The following SCAPER variants were observed in gnomAD, a reference collection of about 807,000 sequenced individuals.
SCAPER encodes the protein S-phase cyclin A associated protein in the ER.
A neutral mutation model predicts 182.2 loss-of-function variants in SCAPER; 98 were observed. That is an observed-to-expected ratio of 0.54 (90% CI 0.46 to 0.64). SCAPER has a LOEUF of 0.64. SCAPER is among the 30% of genes least tolerant of loss of function. The probability of loss-of-function intolerance (pLI) is 0.00; values close to 1 mark genes in which losing one functional copy is unlikely to be tolerated. For synonymous variants in SCAPER, 605 were observed against 564.6 expected (o/e 1.07, Z -1.01); for missense variants, 1,432 against 1,690.0 (o/e 0.85, Z 2.68).
chr15:76,857,939 G>T, intron 3 of SCAPER, 60 bp from the exon 4 acceptor site: 1 of 1,154,658 alleles, frequency 8.7e-7, no homozygotes, highest in South Asian at 1.4e-5. Flanking sequence ...GTATAAAATT[G>T]AACTACAGGT....
At position 76,430,654 on chromosome 15, in the gene SCAPER, C is replaced by T. The variant is rs560844863; in HGVS notation, c.3311+3424G>A. Among the ~76,000 whole-genome samples, 11 of 152,356 alleles carry T rather than the reference C, an allele frequency of 7.2e-5. No homozygotes were observed. The South Asian group carries it at 2.1e-3, about 29-fold the overall frequency. ...GGGTATATTTGCCCAATGCCTGTAC[C>T]TCCATTGCATCTAAGAAGTAACTAA... On this transcript the variant is annotated intron_variant, in intron 26 of 31. Transcript: ENST00000563290.
chr15:76,688,590 T>A (rs1003509067), intron 20 of SCAPER, among the ~76,000 whole-genome samples: 1 of 152,218 alleles, frequency 6.6e-6, no homozygotes, highest in African/African-American at 2.4e-5. Context: ...CTTTAATTCA[T>A]CTTGAGTTAA....
intron 21 of SCAPER, among the ~76,000 whole-genome samples, chr15:76,657,638 T>C (rs1290830850): frequency 1.3e-5 from 2 of 149,408 alleles, no homozygotes; most frequent in African/African-American, 2.5e-5. Context: ...CAGGCCATTA[T>C]TCATGATGAC....
intron 29 of SCAPER, among the ~76,000 whole-genome samples, chr15:76,363,473 AG>A (rs1266458727): frequency 6.6e-6 from 1 of 152,192 alleles, no homozygotes; most frequent in Admixed American, 6.5e-5. Flanking sequence ...GAGGAGGGGT[AG>A]GGTAGGGCAG....
At chr15:76,394,874 A>T (rs2043944640) in intron 27 of SCAPER, among the ~76,000 whole-genome samples, 2 of 152,202 alleles carry the variant, frequency 1.3e-5, no homozygotes, top group Admixed American at 1.3e-4. Flanking sequence ...TAGTTATTTT[A>T]AAATGTACAA....
At chr15:76,594,837 TG>T in intron 22 of SCAPER, among the ~76,000 whole-genome samples, 1 of 120,880 alleles carries the variant, frequency 8.3e-6, no homozygotes, top group East Asian at 2.2e-4. Flanking sequence ...GAACTAAATA[TG>T]GAAAGGAACA....
chr15:76,613,406 G>A (rs1454335398), intron 22 of SCAPER, among the ~76,000 whole-genome samples: 4 of 152,142 alleles, frequency 2.6e-5, no homozygotes, highest in Admixed American at 6.5e-5. Flanking sequence ...TGCAACAAAA[G>A]CAAACACTGA....
At chr15:76,725,033 C>A (rs2060497305) in intron 17 of SCAPER, among the ~76,000 whole-genome samples, 1 of 152,092 alleles carries the variant, frequency 6.6e-6, no homozygotes, top group Non-Finnish European at 1.5e-5. Context: ...ACACTGGGAG[C>A]TGTAGACTGG....
At chr15:76,858,958 G>A (rs1402487172) in intron 3 of SCAPER, among the ~76,000 whole-genome samples, 1 of 152,154 alleles carries the variant, frequency 6.6e-6, no homozygotes, top group African/African-American at 2.4e-5. Context: ...CTTTATGGTA[G>A]AACAATTTAT....
chr15:76,476,930 A>C (rs936067572), intron 24 of SCAPER, among the ~76,000 whole-genome samples: 2 of 150,316 alleles, frequency 1.3e-5, no homozygotes, highest in African/African-American at 4.9e-5. Context: ...AAGTTGTTTT[A>C]ACAACAGTCA....
intron 28 of SCAPER, chr15:76,380,768 G>A (rs1305234051): frequency 2.0e-5 from 3 of 152,124 alleles, no homozygotes; most frequent in African/African-American, 4.8e-5. Flanking sequence ...ACAGTCTGGT[G>A]TTATAGCATA....
chr15:76,373,044 C>A (rs8042121), intron 29 of SCAPER, among the ~76,000 whole-genome samples: 7,604 of 34,992 alleles, frequency 0.22, 236 homozygotes, highest in Admixed American at 0.29. Flanking sequence ...CTTTTTCTTT[C>A]TTTCTTTCTT....
chr15:76,583,578 A>G (rs985788673), intron 22 of SCAPER, among the ~76,000 whole-genome samples: 2 of 152,226 alleles, frequency 1.3e-5, no homozygotes, highest in Non-Finnish European at 2.9e-5. Context: ...TGTAGGAAAA[A>G]TATCTGATAA....
At chr15:76,669,380 A>T (rs2056853509) in intron 20 of SCAPER, among the ~76,000 whole-genome samples, 1 of 133,454 alleles carries the variant, frequency 7.5e-6, no homozygotes, top group Admixed American at 7.5e-5. Flanking sequence ...ACATACAAAA[A>T]AACTTAAAAC....
chr15:76,376,089 C>T, intron 29 of SCAPER, 73 bp downstream of exon 29: 1 of 1,572,516 alleles, frequency 6.4e-7, no homozygotes, highest in East Asian at 2.3e-5. Flanking sequence ...CGCTAGCCTG[C>T]CTTTTCTCAT....
intron 24 of SCAPER, among the ~76,000 whole-genome samples, chr15:76,493,606 T>A (rs1000752519): frequency 2.6e-5 from 4 of 152,244 alleles, no homozygotes; most frequent in African/African-American, 9.6e-5. Flanking sequence ...GCTAGAGCAT[T>A]ATTTTTACTG....
intron 23 of SCAPER, among the ~76,000 whole-genome samples, chr15:76,566,817 T>C (rs1017321332): frequency 6.6e-6 from 1 of 152,086 alleles, no homozygotes; most frequent in African/African-American, 2.4e-5. Context: ...TTACCTTAAA[T>C]TCTAAAAATT....
chr15:76,726,128 T>TGA (rs1555555719), intron 17 of SCAPER, among the ~76,000 whole-genome samples: 4 of 112,760 alleles, frequency 3.5e-5, no homozygotes, highest in African/African-American at 1.0e-4. Context: ...GTCTAGAATA[T>TGA]ATATATATAT....
intron 25 of SCAPER, among the ~76,000 whole-genome samples, chr15:76,458,219 T>C (rs1050421558): frequency 2.0e-5 from 3 of 151,600 alleles, no homozygotes; most frequent in Non-Finnish European, 2.9e-5. Flanking sequence ...TAGATATATA[T>C]ACACACACAC....
Sources: allele counts gnomAD v4.1 joint callset (sites outside exome capture counted in the v4.1 genomes callset), GRCh38; gene constraint gnomAD v4.1.1; transcripts MANE v1.5; gene names NCBI Gene and HGNC (gene_info 2026-07-23, HGNC 2026-07-21).